Variants in PRKG2 observed in about 807,000 individuals in gnomAD.
PRKG2 encodes protein kinase cGMP-dependent 2.
A neutral mutation model predicts 97.2 loss-of-function variants in PRKG2; 33 were observed. The ratio of observed to expected loss-of-function variants is 0.34; its 90% confidence interval spans 0.26 to 0.45. The LOEUF is 0.45. Ranked by LOEUF, PRKG2 falls within the 20% of genes least tolerant of loss-of-function variation. The probability of loss-of-function intolerance (pLI) is 1.00; values close to 1 mark genes in which losing one functional copy is unlikely to be tolerated. For synonymous variants in PRKG2, 330 were observed against 321.8 expected, an observed-to-expected ratio of 1.03 and a Z score of -0.27; for missense variants, 638 against 900.0, an observed-to-expected ratio of 0.71 and a Z score of 3.73.
chr4:81,113,179 G>A (rs1744154520), intron 14 of PRKG2, among the ~76,000 whole-genome samples: 1 of 152,096 alleles, frequency 6.6e-6, no homozygotes, highest in South Asian at 2.1e-4. Flanking sequence ...AGAGCATTGT[G>A]GGTTTGTAAA....
intron 2 of PRKG2, among the ~76,000 whole-genome samples, chr4:81,185,031 G>A (rs1751748770): frequency 6.6e-6 from 1 of 152,106 alleles, no homozygotes; most frequent in African/African-American, 2.4e-5. Flanking sequence ...TGGGGAGAAT[G>A]GAACCAAGTT....
At chr4:81,148,167 A>G (rs1229681845) in intron 9 of PRKG2, among the ~76,000 whole-genome samples, 2 of 152,062 alleles carry the variant, frequency 1.3e-5, no homozygotes, top group Non-Finnish European at 2.9e-5. Flanking sequence ...TCATTTTATA[A>G]TCTTTGTTAA....
intron 14 of PRKG2, among the ~76,000 whole-genome samples, chr4:81,122,579 C>T (rs1018606326): frequency 2.0e-5 from 3 of 152,174 alleles, no homozygotes; most frequent in African/African-American, 4.8e-5. Flanking sequence ...AGACACACTT[C>T]CAAACCCAGA....
At chr4:81,147,242 G>A (rs1747944683) in intron 9 of PRKG2, among the ~76,000 whole-genome samples, 1 of 150,424 alleles carries the variant, frequency 6.6e-6, no homozygotes, top group Non-Finnish European at 1.5e-5. Context: ...AAAAAGAAAT[G>A]AGCTCCTCCT....
chr4:81,105,945 G>GA lies in PRKG2; in HGVS notation c.1941-11dup, dbSNP rs1445818836. Reference sequence around the variant, plus strand: ...CCCAGAAAAGGGTGGGCTAGATAGAGAAAATCCAGAACAGGACACATTAAT... The same window carrying GA: ...CCCAGAAAAGGGTGGGCTAGATAGAGAAAAATCCAGAACAGGACACATTAAT... On this transcript the variant is annotated splice_polypyrimidine_tract_variant and intron_variant, in intron 15 of 18. Transcript: ENST00000264399. 6.2e-7 allele frequency: 1 copy of GA among 1,611,572 alleles called. No individual in the cohort carries two copies. Among genetic ancestry groups the GA allele is most frequent in the Non-Finnish European group, 8.5e-7 (1 of 1,178,786 alleles).
chr4:81,097,280 G>A (rs757987997), intron 17 of PRKG2, among the ~76,000 whole-genome samples: 1 of 152,150 alleles, frequency 6.6e-6, no homozygotes, highest in African/African-American at 2.4e-5. Context: ...GTGACTAGGT[G>A]CATTGTCAAT....
chr4:81,144,149 A>G (rs1268106845), intron 10 of PRKG2, 83 bp downstream of exon 10: 64 of 1,285,040 alleles, frequency 5.0e-5, no homozygotes, highest in Non-Finnish European at 2.8e-5. Context: ...GTTACCACAC[A>G]GCAAGTCACA....
At chr4:81,149,217 G>C (rs1748149853) in intron 8 of PRKG2, among the ~76,000 whole-genome samples, 1 of 152,072 alleles carries the variant, frequency 6.6e-6, no homozygotes, top group Non-Finnish European at 1.5e-5. Context: ...AAATGTTTAT[G>C]GAATCTCATT....
At position 81,089,926 on chromosome 4, in the gene PRKG2, C is replaced by T. The variant is rs1240630917; in HGVS notation, c.2194-123G>A. On this transcript the variant is annotated intron_variant, in intron 18 of 18. Coordinates refer to ENST00000264399, the MANE Select transcript of PRKG2 (RefSeq NM_006259.3). ...ACTGCAGCCACTTGGAAGTTACATACAAGAAAAAAATGACCAATTATCATT... is the reference window on the plus strand; with the variant it reads ...ACTGCAGCCACTTGGAAGTTACATATAAGAAAAAAATGACCAATTATCATT... The T allele has an allele frequency of 9.2e-6, 7 of 758,528 alleles. No individual in the cohort carries two copies. In the East Asian group the frequency reaches 1.1e-4, roughly 12 times the overall value. The allele number at this position is 758,528 out of a possible 1,614,324, so 47.0% of individuals were successfully genotyped here. A position where few individuals can be genotyped will look rare whatever the true frequency, so the allele number is the denominator to read the frequency against.
chr4:81,165,046 C>T (rs978720756), intron 6 of PRKG2: 9 of 152,152 alleles, frequency 5.9e-5, no homozygotes, highest in Non-Finnish European at 1.3e-4. Flanking sequence ...CTGTACACTC[C>T]GTTCTGAATC....
In PRKG2 at chr4:81,176,888, G is replaced by GA. The variant is rs796633188; in HGVS notation, c.462-1930dup. On this transcript the variant is annotated intron_variant, in intron 2 of 18. Coordinates refer to ENST00000264399, the MANE Select transcript of PRKG2 (RefSeq NM_006259.3). ...ACTCAAAAAGACTCTTTTGTCCATA[G>GA]AAAAAAAAAATCAATATCCTACAAC... 7.4e-3 allele frequency among the ~76,000 whole-genome samples: 1,088 copies of GA among 147,626 alleles called. 14 individuals carry two copies. Among genetic ancestry groups the GA allele is most frequent in the South Asian group, 8.4e-3 (39 of 4,648 alleles).
At chr4:81,215,886 ATT>A (rs368207862), upstream of PRKG2, among the ~76,000 whole-genome samples, 1 of 150,398 alleles carries the variant, frequency 6.6e-6, no homozygotes, top group African/African-American at 2.5e-5. Flanking sequence ...TTTTGAGTAC[ATT>A]TTTTTTTCCT....
chr4:81,114,045 G>A (rs755053353), intron 14 of PRKG2, among the ~76,000 whole-genome samples: 3 of 152,096 alleles, frequency 2.0e-5, no homozygotes, highest in East Asian at 1.9e-4. Context: ...GAAGGTGGGC[G>A]AGATGAAGGG....
intron 17 of PRKG2, 62 bp from the exon 18 acceptor site, chr4:81,092,514 GAGAA>G (rs1364593482): frequency 5.9e-6 from 2 of 336,706 alleles, no homozygotes; most frequent in Non-Finnish European, 9.0e-6. Flanking sequence ...GGAAGGAAGG[GAGAA>G]AGAAAGAGAC....
chr4:81,127,654 T>G (rs568114408), intron 14 of PRKG2, among the ~76,000 whole-genome samples: 76 of 152,330 alleles, frequency 5.0e-4, no homozygotes, highest in Non-Finnish European at 9.6e-4. Flanking sequence ...TGTATAAGAA[T>G]GCTTCTAATT....
In PRKG2 at chr4:81,156,202, A is replaced by G. The variant is rs528838928; in HGVS notation, c.913-2481T>C. 6.6e-5 allele frequency among the ~76,000 whole-genome samples: 10 copies of G among 152,324 alleles called. No individual in the cohort carries two copies. In the East Asian group the frequency reaches 1.5e-3, roughly 24 times the overall value. On this transcript the variant is annotated intron_variant, in intron 6 of 18. Transcript: ENST00000264399. ...GGAAACCCATCTCACAGGCAGAGAC[A>G]CACATAGGCTCAAAATAAAAGGATG...
At chr4:81,106,093 A>G (rs951977015) in intron 15 of PRKG2, among the ~76,000 whole-genome samples, 158 bp from the exon 16 acceptor site, 1 of 152,164 alleles carries the variant, frequency 6.6e-6, no homozygotes, top group African/African-American at 2.4e-5. Flanking sequence ...ATATCCTAGA[A>G]TATCATCTCA....
chr4:81,142,898 T>A lies in PRKG2; in HGVS notation c.1303A>T (p.Ile435Phe). 6.2e-7 allele frequency: 1 copy of A among 1,613,600 alleles called. No homozygotes were observed. Among genetic ancestry groups the A allele is most frequent in the Non-Finnish European group, 8.5e-7 (1 of 1,179,662 alleles). ...KLSKALSLEMIQLKEKVARFS... is the reference protein window; with the variant it reads ...KLSKALSLEMFQLKEKVARFS... ...CTGGCCACCTTCTCCTTCAGCTGAA[T>A]CATTTCCAGAGAGAGTGCTTTGGAC... is the stretch of plus-strand genomic sequence containing the variant. Residue 435 changes from isoleucine (I) to phenylalanine (F), a missense_variant, in exon 11 of 19, where the codon ATT becomes TTT. Coordinates refer to ENST00000264399, the MANE Select transcript of PRKG2 (RefSeq NM_006259.3).
intron 2 of PRKG2, among the ~76,000 whole-genome samples, chr4:81,190,330 A>C (rs2110111069): frequency 6.6e-6 from 1 of 152,316 alleles, no homozygotes; most frequent in South Asian, 2.1e-4. Flanking sequence ...TGACACAAAC[A>C]AGCAATCAAG....
Sources: gnomAD v4.1 joint callset for allele counts (sites outside exome capture counted in the v4.1 genomes callset) on GRCh38, gnomAD v4.1.1 for gene constraint, MANE v1.5 for transcripts, NCBI Gene and HGNC (gene_info 2026-07-23, HGNC 2026-07-21) for gene names.